The following ST3GAL3 variants were observed in gnomAD, a reference collection of about 807,000 sequenced individuals.
ST3GAL3 encodes ST3 beta-galactoside alpha-2,3-sialyltransferase 3.
ST3GAL3 carries 21 observed loss-of-function variants against 50.1 expected under a neutral mutation model. That is an observed-to-expected ratio of 0.42 (90% CI 0.30 to 0.60). ST3GAL3 has a LOEUF of 0.60. ST3GAL3 is among the 20% of genes least tolerant of loss of function. ST3GAL3 has a pLI of 0.19. For missense variants in ST3GAL3, 353 were observed against 489.4 expected (o/e 0.72, Z 2.63); for synonymous variants, 183 against 190.0 (o/e 0.96, Z 0.30).
intron 5 of ST3GAL3, among the ~76,000 whole-genome samples, chr1:43,844,085 C>T (rs1036577283): frequency 6.6e-5 from 10 of 152,182 alleles, no homozygotes; most frequent in East Asian, 1.9e-4. Flanking sequence ...ATAAAGGATA[C>T]GGATGAACAG....
intron 3 of ST3GAL3, among the ~76,000 whole-genome samples, chr1:43,800,498 G>T (rs2059192571): frequency 1.3e-5 from 2 of 152,162 alleles, no homozygotes; most frequent in African/African-American, 4.8e-5. Context: ...GTACATCATT[G>T]CTGTCATGGA....
At chr1:43,729,607 A>G (rs1223203250) in intron 1 of ST3GAL3, among the ~76,000 whole-genome samples, 1 of 152,092 alleles carries the variant, frequency 6.6e-6, no homozygotes, top group East Asian at 1.9e-4. Context: ...CTTTCACCCC[A>G]GGCATGTGTG....
intron 5 of ST3GAL3, among the ~76,000 whole-genome samples, chr1:43,874,807 GT>G (rs1188411945): frequency 6.6e-6 from 1 of 152,156 alleles, no homozygotes; most frequent in African/African-American, 2.4e-5. Flanking sequence ...GGTAAACAAG[GT>G]TATCTATGGG....
At chr1:43,761,908 A>G (rs11210915) in intron 2 of ST3GAL3, among the ~76,000 whole-genome samples, 100,058 of 143,388 alleles carry the variant, frequency 0.7, 34,964 homozygotes, top group East Asian at 0.73. Flanking sequence ...CCAAGATGGC[A>G]CCACTGCACT....
At chr1:43,726,430 G>A (rs1364001293) in intron 1 of ST3GAL3, among the ~76,000 whole-genome samples, 2 of 152,134 alleles carry the variant, frequency 1.3e-5, no homozygotes, top group East Asian at 1.9e-4. Flanking sequence ...GGGACTACAG[G>A]CACATGCCAC....
intron 7 of ST3GAL3, among the ~76,000 whole-genome samples, chr1:43,898,766 C>G (rs957098731): frequency 1.3e-5 from 2 of 152,108 alleles, no homozygotes; most frequent in Admixed American, 1.3e-4. Context: ...TGTCCCGTTC[C>G]CCTTTTCTTG....
At chr1:43,891,957 A>T (rs918515287) in intron 5 of ST3GAL3, among the ~76,000 whole-genome samples, 7 of 152,090 alleles carry the variant, frequency 4.6e-5, no homozygotes, top group South Asian at 2.1e-4. Flanking sequence ...TCTTTTTTTA[A>T]ATTTGAGATG....
At chr1:43,764,611 G>A (rs1003241761) in intron 2 of ST3GAL3, among the ~76,000 whole-genome samples, 3 of 152,196 alleles carry the variant, frequency 2.0e-5, no homozygotes, top group Non-Finnish European at 4.4e-5. Context: ...GGGAAAAATC[G>A]GGCCGTGATT....
chr1:43,859,742 C>G (rs1409929496), intron 5 of ST3GAL3, among the ~76,000 whole-genome samples: 1 of 152,166 alleles, frequency 6.6e-6, no homozygotes, highest in Admixed American at 6.5e-5. Context: ...TGCTTGAGGC[C>G]TGAGCTCAGA....
chr1:43,885,948 G>A (rs769950917), intron 5 of ST3GAL3, among the ~76,000 whole-genome samples: 7 of 152,184 alleles, frequency 4.6e-5, no homozygotes, highest in Non-Finnish European at 8.8e-5. Flanking sequence ...GGAGAGACTT[G>A]TCAAATTATA....
At chr1:43,825,001 T>A (rs1462767016) in intron 4 of ST3GAL3, 1 of 704,918 alleles carries the variant, frequency 1.4e-6, no homozygotes, top group Non-Finnish European at 2.6e-6. Flanking sequence ...AGAATAAATC[T>A]GCCTGTACAT....
At chr1:43,851,220 C>A in intron 5 of ST3GAL3, 1 of 1,537,704 alleles carries the variant, frequency 6.5e-7, no homozygotes, top group South Asian at 1.1e-5. Context: ...TCTGGGTTCA[C>A]CTTATAGGGC....
chr1:43,796,032 A>G (rs767729817), intron 3 of ST3GAL3, among the ~76,000 whole-genome samples: 25 of 152,182 alleles, frequency 1.6e-4, no homozygotes, highest in Non-Finnish European at 3.2e-4. Flanking sequence ...GGAATATCCC[A>G]AGAGTTGTTC....
At chr1:43,826,970 A>G (rs1268696320) in intron 4 of ST3GAL3, among the ~76,000 whole-genome samples, 2 of 152,330 alleles carry the variant, frequency 1.3e-5, no homozygotes, top group African/African-American at 2.4e-5. Context: ...CAAAAAACCT[A>G]TAGCTAACAT....
intron 1 of ST3GAL3, among the ~76,000 whole-genome samples, chr1:43,722,858 C>T (rs965292032): frequency 2.6e-5 from 4 of 152,144 alleles, no homozygotes; most frequent in Non-Finnish European, 5.9e-5. Context: ...CATACTTGGA[C>T]TTGGAACTCA....
chr1:43,912,134 G>A (rs183198806), intron 9 of ST3GAL3: 1 of 152,328 alleles, frequency 6.6e-6, no homozygotes, highest in East Asian at 1.9e-4. Context: ...GGCTAGGTGA[G>A]CAGGGGACAG....
chr1:43,739,345 G>A (rs1041627417), intron 2 of ST3GAL3: 2 of 152,000 alleles, frequency 1.3e-5, no homozygotes, highest in African/African-American at 4.8e-5. Context: ...CCAAGTAGCT[G>A]GGACTACAGG....
At chr1:43,761,823 C>T (rs1331326756) in intron 2 of ST3GAL3, among the ~76,000 whole-genome samples, 2 of 151,168 alleles carry the variant, frequency 1.3e-5, no homozygotes, top group African/African-American at 4.9e-5. Flanking sequence ...TGGTGGTGGG[C>T]GCCTGTAGTC....
At chr1:43,851,538 G>A in intron 5 of ST3GAL3, 3 of 1,591,668 alleles carry the variant, frequency 1.9e-6, no homozygotes, top group Non-Finnish European at 2.6e-6. Flanking sequence ...ATTTAAGCAA[G>A]AGCCTAGGGC....
Sources: gnomAD v4.1 joint callset for allele counts (sites outside exome capture counted in the v4.1 genomes callset) on GRCh38, gnomAD v4.1.1 for gene constraint, MANE v1.5 for transcripts, NCBI Gene and HGNC (gene_info 2026-07-23, HGNC 2026-07-21) for gene names.